The following CLVS1 variants were observed in gnomAD, a reference collection of about 807,000 sequenced individuals.
CLVS1 encodes the protein clavesin-1.
Under a neutral mutation model 33.1 loss-of-function variants are expected in CLVS1, and 10 were observed. The ratio of observed to expected loss-of-function variants is 0.30; its 90% CI spans 0.19 to 0.51. CLVS1 has a LOEUF of 0.51. Among genes scored for constraint, CLVS1 ranks in the 20% least tolerant of loss-of-function variants. The probability of loss-of-function intolerance (pLI) is 0.97; values close to 1 mark genes in which losing one functional copy is unlikely to be tolerated. For missense variants in CLVS1, 343 were observed against 433.4 expected, an observed-to-expected ratio of 0.79 and a Z score of 1.85; for synonymous variants, 163 against 166.1, an observed-to-expected ratio of 0.98 and a Z score of 0.14.
chr8:61,112,842 A>G (rs747750549), intron 1 of CLVS1, among the ~76,000 whole-genome samples: 10 of 152,152 alleles, frequency 6.6e-5, no homozygotes, highest in Non-Finnish European at 1.3e-4. Context: ...TCCAATCTGT[A>G]AAAGATTGGA....
At chr8:61,282,665 G>A (rs1809696706) in intron 2 of CLVS1, among the ~76,000 whole-genome samples, 1 of 152,176 alleles carries the variant, frequency 6.6e-6, no homozygotes, top group African/African-American at 2.4e-5. Context: ...CATATTGCTT[G>A]AAAAGTTCTT....
chr8:61,405,385 T>C (rs1585923729), intron 3 of CLVS1, among the ~76,000 whole-genome samples: 1 of 152,166 alleles, frequency 6.6e-6, no homozygotes, highest in Non-Finnish European at 1.5e-5. Flanking sequence ...TTCAAGCCAT[T>C]ACACAAGGGC....
chr8:61,170,698 T>C lies in CLVS1; in HGVS notation c.-152+38838T>C, dbSNP rs145890921. On this transcript the variant is annotated intron_variant, in intron 2 of 2. Transcript: ENST00000522621. ...CGGAGAATAATGCCTATTTTAGAAC[T>C]GATGTGAGAACCTCATGGCATAATC... Among the ~76,000 whole-genome samples the C allele has an allele frequency of 5.2e-3, 788 of 152,326 alleles. 9 individuals are homozygous for C. The highest frequency in any genetic ancestry group is 0.018 in the African/African-American group (754 of 41,562).
At chr8:61,428,239 A>G (rs1411155851) in intron 3 of CLVS1, among the ~76,000 whole-genome samples, 2 of 152,196 alleles carry the variant, frequency 1.3e-5, no homozygotes, top group African/African-American at 4.8e-5. Context: ...ATTTGAATGC[A>G]TTTAGCTGAA....
chr8:61,408,315 G>A (rs1815072647), intron 3 of CLVS1, among the ~76,000 whole-genome samples: 1 of 152,302 alleles, frequency 6.6e-6, no homozygotes, highest in South Asian at 2.1e-4. Context: ...GACATGCAAA[G>A]AACCAGGGTG....
chr8:60,981,212 A>G, the CLVS1 span, among the ~76,000 whole-genome samples: 3 of 152,378 alleles, frequency 2.0e-5, no homozygotes, highest in Admixed American at 2.0e-4. Context: ...TGTTAGAGCC[A>G]TCTGGCAAAG....
chr8:61,473,919 A>T (rs2129607840), intron 5 of CLVS1, among the ~76,000 whole-genome samples: 1 of 152,258 alleles, frequency 6.6e-6, no homozygotes, highest in East Asian at 1.9e-4. Context: ...CTTGTGTGGT[A>T]TCTGGTTAGA....
At chr8:61,254,200 G>A (rs1809020011) in intron 2 of CLVS1, among the ~76,000 whole-genome samples, 1 of 152,188 alleles carries the variant, frequency 6.6e-6, no homozygotes, top group African/African-American at 2.4e-5. Context: ...GACCCTGTTT[G>A]CCTGGGTATC....
chr8:60,966,448 T>TG, the CLVS1 span: 2 of 446,558 alleles, frequency 4.5e-6, no homozygotes, highest in Admixed American at 5.1e-5. Context: ...GCAGGATGGG[T>TG]GAAGTCATTC....
At chr8:61,065,337 C>CT (rs1035107899) in intron 1 of CLVS1, among the ~76,000 whole-genome samples, 2 of 151,468 alleles carry the variant, frequency 1.3e-5, no homozygotes, top group Admixed American at 6.6e-5. Flanking sequence ...ATACAATCAT[C>CT]TTTTTTTTTC....
At chr8:61,049,003 G>A in the CLVS1 span, among the ~76,000 whole-genome samples, 1 of 152,080 alleles carries the variant, frequency 6.6e-6, no homozygotes, top group African/African-American at 2.4e-5. Flanking sequence ...CCACCAGAAG[G>A]GTCCAGAATT....
Position 61,156,512 on chromosome 8 carries a change from C to A in CLVS1, c.-152+24652C>A, listed in dbSNP as rs541041387. ...CAGGAAAAGTCCGAACTTTCCTATA[C>A]AAGAAAATTCTCAAAAGTCAATACA... On this transcript the variant is annotated intron_variant, in intron 2 of 2. Transcript: ENST00000522621. Among the ~76,000 whole-genome samples the A allele has an allele frequency of 8.5e-5, 13 of 152,264 alleles. No individual in the cohort carries two copies. In the South Asian group the frequency reaches 1.5e-3, roughly 17 times the overall value.
chr8:60,988,186 C>T, the CLVS1 span, among the ~76,000 whole-genome samples: 3 of 152,162 alleles, frequency 2.0e-5, no homozygotes, highest in African/African-American at 7.2e-5. Context: ...AACCCAACTC[C>T]ATTCTTGAAC....
chr8:61,091,251 C>T (rs867206741), intron 1 of CLVS1, among the ~76,000 whole-genome samples: 6 of 152,090 alleles, frequency 3.9e-5, no homozygotes, highest in South Asian at 4.1e-4. Context: ...CTCTAGAAGG[C>T]GAAAGAGACA....
intron 2 of CLVS1, among the ~76,000 whole-genome samples, chr8:61,221,653 G>A (rs957391629): frequency 1.3e-5 from 2 of 152,032 alleles, no homozygotes; most frequent in African/African-American, 2.4e-5. Flanking sequence ...TCCTCTTTTT[G>A]TTGTGTCTCT....
chr8:60,967,150 T>A, the CLVS1 span, among the ~76,000 whole-genome samples: 24 of 152,224 alleles, frequency 1.6e-4, no homozygotes, highest in African/African-American at 5.3e-4. Flanking sequence ...AACCATCAAA[T>A]ACTCTTTAAA....
At chr8:61,315,322 G>A (rs1183243472) in intron 2 of CLVS1, among the ~76,000 whole-genome samples, 1 of 152,184 alleles carries the variant, frequency 6.6e-6, no homozygotes, top group Non-Finnish European at 1.5e-5. Context: ...GTATTGGGGA[G>A]GGGGAGAGAT....
At chr8:60,996,847 C>T in the CLVS1 span, among the ~76,000 whole-genome samples, 1 of 152,136 alleles carries the variant, frequency 6.6e-6, no homozygotes, top group East Asian at 1.9e-4. Flanking sequence ...GCCTCTACAT[C>T]CTGACCTTCT....
At chr8:61,471,005 T>C (rs989006618) in intron 5 of CLVS1, among the ~76,000 whole-genome samples, 1 of 152,206 alleles carries the variant, frequency 6.6e-6, no homozygotes, top group African/African-American at 2.4e-5. Context: ...CTGTTCATGA[T>C]AGGCCTCCAG....
Sources: gnomAD v4.1 joint callset for allele counts (sites outside exome capture counted in the v4.1 genomes callset) on GRCh38, gnomAD v4.1.1 for gene constraint, MANE v1.5 for transcripts, NCBI Gene and HGNC (gene_info 2026-07-23, HGNC 2026-07-21) for gene names.